The following CTBP1 variants were observed in gnomAD, a reference collection of about 807,000 sequenced individuals.
CTBP1 encodes the protein C-terminal binding protein 1, also known as C-terminal-binding protein 1.
Under a neutral mutation model 42.1 loss-of-function variants are expected in CTBP1, and 11 were observed. The ratio of observed to expected loss-of-function variants is 0.26; its 90% CI spans 0.16 to 0.43. CTBP1 has a LOEUF of 0.43. CTBP1 is among the 20% of genes least tolerant of loss of function. The pLI is 1.00. For synonymous variants in CTBP1, 324 were observed against 277.1 expected (o/e 1.17, Z -1.68); for missense variants, 399 against 624.3 (o/e 0.64, Z 3.85).
At chr4:1,246,786 G>C (rs1459339047) in intron 1 of CTBP1, among the ~76,000 whole-genome samples, 2 of 152,230 alleles carry the variant, frequency 1.3e-5, no homozygotes, top group African/African-American at 2.4e-5. Flanking sequence ...TGGGCCTCTC[G>C]AGCCTGGGGC....
intron 5 of CTBP1, among the ~76,000 whole-genome samples, chr4:1,218,942 A>G (rs1025138004): frequency 6.6e-6 from 1 of 152,216 alleles, no homozygotes; most frequent in African/African-American, 2.4e-5. Context: ...TTACACTAAA[A>G]ATAAATGAAC....
At position 1,238,632 on chromosome 4, in the gene CTBP1, G is replaced by A. The variant is rs565368388; in HGVS notation, c.8-295C>T. Among the ~76,000 whole-genome samples the A allele has an allele frequency of 6.7e-5, 10 of 149,472 alleles. No homozygotes were observed. The highest frequency in any genetic ancestry group is 6.8e-3 in the Middle Eastern group (2 of 292). On this transcript the variant is annotated intron_variant, in intron 2 of 9. Coordinates refer to ENST00000382952, the MANE Select transcript of CTBP1 (RefSeq NM_001012614.2). This position sits in a 1 kb window ranked among gnomAD's most constrained non-coding sequence, Gnocchi z 5.9. ...CTCCGAGACCCTCCAAGGCCCCTCC[G>A]AGATCCTCCCAGACCCTCTGAGACC...
chr4:1,242,576 C>T (rs1014776197), intron 1 of CTBP1: 25 of 985,320 alleles, frequency 2.5e-5, no homozygotes, highest in East Asian at 2.3e-4. Context: ...CTTCCAGAGA[C>T]ACCATCACAG....
At chr4:1,224,204 A>G (rs1018624192) in intron 5 of CTBP1, among the ~76,000 whole-genome samples, 3 of 152,168 alleles carry the variant, frequency 2.0e-5, no homozygotes, top group Admixed American at 6.5e-5. Flanking sequence ...ATGTGTGTCC[A>G]TGTGAGGTCA....
intron 5 of CTBP1, among the ~76,000 whole-genome samples, chr4:1,219,203 T>A (rs1313428668): frequency 6.6e-6 from 1 of 152,008 alleles, no homozygotes; most frequent in Admixed American, 6.5e-5. Context: ...ACAATTAATT[T>A]AAAAAAATTG....
At chr4:1,244,894 T>C in intron 1 of CTBP1, 4 of 985,416 alleles carry the variant, frequency 4.1e-6, no homozygotes, top group Non-Finnish European at 4.8e-6. Context: ...ACGAAGGCTG[T>C]GCACAGCCTG....
intron 5 of CTBP1, among the ~76,000 whole-genome samples, chr4:1,224,170 C>T (rs1046481916): frequency 2.6e-5 from 4 of 152,188 alleles, no homozygotes; most frequent in Non-Finnish European, 4.4e-5. Context: ...TATCTATCTG[C>T]GTACGTGCCC....
chr4:1,222,057 A>G (rs1227444295), intron 5 of CTBP1, among the ~76,000 whole-genome samples: 2 of 152,172 alleles, frequency 1.3e-5, no homozygotes, highest in Non-Finnish European at 2.9e-5. Flanking sequence ...CACGCTAAGA[A>G]CAACCCAGAC....
At chr4:1,216,432 T>G in intron 5 of CTBP1, 1 of 599,474 alleles carries the variant, frequency 1.7e-6, no homozygotes, top group Non-Finnish European at 3.0e-6. Flanking sequence ...GTGGAAAGGG[T>G]ACACTAGCCC....
At chr4:1,223,814 C>T (rs989299785) in intron 5 of CTBP1, among the ~76,000 whole-genome samples, 2 of 152,200 alleles carry the variant, frequency 1.3e-5, no homozygotes, top group East Asian at 1.9e-4. Flanking sequence ...ATCTCACACA[C>T]GCACACACAC....
chr4:1,213,390 C>T, intron 8 of CTBP1, 88 bp downstream of exon 8: 2 of 1,580,404 alleles, frequency 1.3e-6, no homozygotes, highest in South Asian at 2.2e-5. Flanking sequence ...AGAACATGGG[C>T]CTGGCTGCCA....
intron 3 of CTBP1, among the ~76,000 whole-genome samples, chr4:1,229,918 G>C (rs1314412166): frequency 6.6e-6 from 1 of 152,226 alleles, no homozygotes; most frequent in East Asian, 1.9e-4. Flanking sequence ...GGCAGCAGGG[G>C]AGGGGAGCCC....
chr4:1,223,479 G>A (rs555753061), intron 5 of CTBP1: 103 of 456,088 alleles, frequency 2.3e-4, no homozygotes, highest in South Asian at 1.5e-3. Flanking sequence ...AAACGCTGGC[G>A]GGACAAGGAC....
intron 5 of CTBP1, among the ~76,000 whole-genome samples, chr4:1,222,960 C>T (rs1488323594): frequency 1.3e-5 from 2 of 152,160 alleles, no homozygotes; most frequent in South Asian, 2.1e-4. Context: ...CACAGTCCCT[C>T]GTACACCTCA....
At chr4:1,245,123 G>C in intron 1 of CTBP1, 1 of 985,388 alleles carries the variant, frequency 1.0e-6, no homozygotes, top group South Asian at 4.7e-5. Flanking sequence ...ACCCCAGACA[G>C]ACACTGCCCA....
intron 1 of CTBP1, chr4:1,242,003 G>A (rs1271367188): frequency 5.0e-6 from 5 of 1,001,174 alleles, no homozygotes; most frequent in Non-Finnish European, 1.2e-6. Flanking sequence ...CGGGAGAGGT[G>A]CTGCTGGCTT....
At chr4:1,220,667 G>A (rs1051452188) in intron 5 of CTBP1, among the ~76,000 whole-genome samples, 8 of 152,236 alleles carry the variant, frequency 5.3e-5, no homozygotes, top group Non-Finnish European at 7.3e-5. Context: ...ACAGGTCCAC[G>A]GAACAGAAGA....
At chr4:1,244,237 G>T in intron 1 of CTBP1, 1 of 985,258 alleles carries the variant, frequency 1.0e-6, no homozygotes, top group Middle Eastern at 5.2e-4. Flanking sequence ...ATCCACGTGT[G>T]TGCTGGGCAT....
Position 1,238,146 on chromosome 4 carries a change from G to A in CTBP1, c.162+37C>T, listed in dbSNP as rs1731773299. Reference sequence around the variant, plus strand: ...CCGTCCCTCCAACTCCCCCCAACGTGCGGTTCTGCCAGCCCCAGGCGACCA... The same window carrying A: ...CCGTCCCTCCAACTCCCCCCAACGTACGGTTCTGCCAGCCCCAGGCGACCA... On this transcript the variant is annotated intron_variant, in intron 3 of 9. Coordinates refer to ENST00000382952, the MANE Select transcript of CTBP1 (RefSeq NM_001012614.2). This position sits in a 1 kb window ranked among gnomAD's most constrained non-coding sequence, Gnocchi z 5.9. 1.2e-6 allele frequency: 2 copies of A among 1,612,172 alleles called. No individual in the cohort carries two copies. Among genetic ancestry groups the A allele is most frequent in the East Asian group, 2.2e-5 (1 of 44,856 alleles).
Sources: gnomAD v4.1 joint callset for allele counts (sites outside exome capture counted in the v4.1 genomes callset) on GRCh38, gnomAD v4.1.1 for gene constraint, Gnocchi (gnomAD v3.1) non-coding constraint, MANE v1.5 for transcripts, NCBI Gene and HGNC (gene_info 2026-07-23, HGNC 2026-07-21) for gene names.